MYH10: variants seen among roughly 807,000 people sequenced by gnomAD.
The protein encoded by MYH10 is myosin-10.
A neutral mutation model predicts 257.8 loss-of-function variants in MYH10; 55 were observed. The observed-to-expected ratio is 0.21, with a 90% confidence interval of 0.17 to 0.27. MYH10 has a LOEUF of 0.27. Ranked by LOEUF, MYH10 falls within the 10% of genes least tolerant of loss-of-function variation. MYH10 has a pLI of 1.00. For missense variants in MYH10, 1,631 were observed against 2,500.6 expected, an observed-to-expected ratio of 0.65 and a Z score of 7.42; for synonymous variants, 854 against 921.7, an observed-to-expected ratio of 0.93 and a Z score of 1.33.
chr17:8,561,114 T>C (rs1424025730), intron 7 of MYH10: 1 of 607,082 alleles, frequency 1.6e-6, no homozygotes, highest in East Asian at 2.7e-5. Flanking sequence ...GACATCAAGC[T>C]GGATTGTAGT....
intron 4 of MYH10, among the ~76,000 whole-genome samples, chr17:8,588,614 T>C (rs2084003891): frequency 6.6e-6 from 1 of 152,218 alleles, no homozygotes; most frequent in Non-Finnish European, 1.5e-5. Context: ...GCCTCCTAAC[T>C]GGTCCTCTTG....
intron 29 of MYH10, among the ~76,000 whole-genome samples, chr17:8,499,968 C>T (rs558516300): frequency 1.4e-3 from 206 of 152,292 alleles, no homozygotes; most frequent in African/African-American, 4.8e-3. Flanking sequence ...TGCCTTTCCA[C>T]GAACCAGCTG....
At chr17:8,513,243 G>A (rs569520878) in intron 23 of MYH10, among the ~76,000 whole-genome samples, 1 of 152,286 alleles carries the variant, frequency 6.6e-6, no homozygotes, top group East Asian at 1.9e-4. Context: ...ACAGTACCGG[G>A]AACCTCATCG....
Position 8,487,428 on chromosome 17 carries a change from C to T in MYH10, c.5046+5G>A, listed in dbSNP as rs779296297. The T allele has an allele frequency of 3.1e-6, 5 of 1,613,916 alleles. No homozygotes were observed. Among genetic ancestry groups the T allele is most frequent in the Non-Finnish European group, 4.2e-6 (5 of 1,180,048 alleles). On this transcript the variant is annotated splice_donor_5th_base_variant and intron_variant, in intron 36 of 42. Transcript: ENST00000360416. ...TCCAGAGACTCCATGGGTGAAGGCA[C>T]ATACCTGGAGCTTGCGGAGCTGCTT... is the stretch of plus-strand genomic sequence containing the variant.
At chr17:8,555,052 C>T (rs752672173) in intron 7 of MYH10, among the ~76,000 whole-genome samples, 4 of 148,204 alleles carry the variant, frequency 2.7e-5, no homozygotes, top group African/African-American at 7.5e-5. Context: ...TGCAGTGAGC[C>T]GAGATCACAC....
At chr17:8,621,519 C>A (rs1249996685) in intron 2 of MYH10, among the ~76,000 whole-genome samples, 1 of 152,116 alleles carries the variant, frequency 6.6e-6, no homozygotes, top group Non-Finnish European at 1.5e-5. Flanking sequence ...GGCAAAATTG[C>A]GGTCACCCTA....
At chr17:8,530,784 C>T (rs977784010) in intron 16 of MYH10, 99 bp from the exon 17 acceptor site, 44 of 926,110 alleles carry the variant, frequency 4.8e-5, no homozygotes, top group East Asian at 8.2e-5. Context: ...ACTTTGAAAT[C>T]GGGCTACAAA....
chr17:8,608,709 A>G (rs985598721), intron 2 of MYH10, among the ~76,000 whole-genome samples: 1 of 152,242 alleles, frequency 6.6e-6, no homozygotes, highest in Non-Finnish European at 1.5e-5. Context: ...GGAAACATTT[A>G]CAAATTTTCA....
chr17:8,575,704 A>G (rs780838179), intron 6 of MYH10, among the ~76,000 whole-genome samples: 5 of 152,180 alleles, frequency 3.3e-5, no homozygotes, highest in Non-Finnish European at 5.9e-5. Flanking sequence ...TTCTTGCTTT[A>G]TATCAGCTTT....
intron 4 of MYH10, among the ~76,000 whole-genome samples, chr17:8,578,305 T>C (rs2083577298): frequency 6.8e-6 from 1 of 147,634 alleles, no homozygotes; most frequent in Admixed American, 6.9e-5. Context: ...CACAGTGGCA[T>C]GATCTCGGCT....
At chr17:8,556,408 T>C (rs184338843) in intron 7 of MYH10, among the ~76,000 whole-genome samples, 5 of 152,310 alleles carry the variant, frequency 3.3e-5, no homozygotes, top group Non-Finnish European at 7.4e-5. Context: ...TCGTGGTATA[T>C]TCACAAAATG....
At chr17:8,606,988 G>A (rs1043878850) in intron 2 of MYH10, among the ~76,000 whole-genome samples, 1 of 152,026 alleles carries the variant, frequency 6.6e-6, no homozygotes, top group Non-Finnish European at 1.5e-5. Context: ...ATCTAGTCCC[G>A]TATTTCTTTG....
At chr17:8,514,023 C>A in intron 21 of MYH10, 129 bp from the exon 22 acceptor site, 1 of 836,856 alleles carries the variant, frequency 1.2e-6, no homozygotes, top group Non-Finnish European at 1.8e-6. Context: ...TCAATCAAGT[C>A]CTGGGTGAGA....
rs1291381174 is a variant in MYH10 at position 8,577,132 on chromosome 17, G to T, written c.633+104C>A. On this transcript the variant is annotated intron_variant, in intron 5 of 42. Transcript: ENST00000360416. ...GCGGGGAGCAGGTGGAGACAAGGGA[G>T]CTGTCAGTTATAGCAGTGTGGAGAG... The T allele has an allele frequency of 2.3e-5, 18 of 783,506 alleles. No individual in the cohort carries two copies. In the Admixed American group the frequency reaches 4.2e-4, roughly 18 times the overall value. 48.5% of individuals were successfully genotyped at this position (783,506 alleles called of 1,614,324 possible).
chr17:8,535,007 C>T lies in MYH10; in HGVS notation c.1894+380G>A, dbSNP rs1437913863. Among the ~76,000 whole-genome samples the T allele has an allele frequency of 3.3e-5, 5 of 152,100 alleles. No homozygotes were observed. The highest frequency in any genetic ancestry group is 1.9e-4 in the East Asian group (1 of 5,192). On this transcript the variant is annotated intron_variant, in intron 16 of 42. Transcript: ENST00000360416. This position sits in a 1 kb window ranked among gnomAD's most constrained non-coding sequence, Gnocchi z 4.3. ...GGCGGGTGCGGGTGGTGAGGAAGGA[C>T]GGAGCTCAGCAGGCCTGACACAGGG... is the stretch of plus-strand genomic sequence containing the variant.
chr17:8,557,981 G>A (rs1366217383), intron 7 of MYH10, among the ~76,000 whole-genome samples: 1 of 152,192 alleles, frequency 6.6e-6, no homozygotes, highest in Non-Finnish European at 1.5e-5. Flanking sequence ...TTCCCCTGGA[G>A]ACCACAAGGC....
At chr17:8,596,597 T>C (rs1239080046) in intron 3 of MYH10, among the ~76,000 whole-genome samples, 1 of 144,682 alleles carries the variant, frequency 6.9e-6, no homozygotes, top group Non-Finnish European at 1.5e-5. Flanking sequence ...TTTTGATGTG[T>C]AGCAACCTTA....
Position 8,475,914 on chromosome 17 carries a change from A to G in MYH10, c.5914T>C (p.Ser1972Pro), listed in dbSNP as rs1471808031. 2 of 1,614,014 alleles carry G rather than the reference A, an allele frequency of 1.2e-6. No individual in the cohort carries two copies. Among genetic ancestry groups the G allele is most frequent in the African/African-American group, 2.7e-5 (2 of 74,946 alleles). Reference protein sequence around the residue: ...GGPISFSSSRSGRRQLHLEGA... With the variant: ...GGPISFSSSRPGRRQLHLEGA... ...TCAAGGTGCAGCTGGCGCCGGCCAG[A>G]TCGGCTGGAAGAGAAGCTGATGGGG... Residue 1972 changes from serine to proline, a missense_variant, in exon 43 of 43, where the codon TCT becomes CCT. This residue lies in a region of MYH10 where 343 missense variants were observed against 389.5 expected (regional missense o/e 0.88). Transcript: ENST00000360416.
At chr17:8,600,201 C>T (rs1782102395) in intron 3 of MYH10, among the ~76,000 whole-genome samples, 1 of 152,068 alleles carries the variant, frequency 6.6e-6, no homozygotes, top group African/African-American at 2.4e-5. Flanking sequence ...GTGAGTTTTA[C>T]CAAACAAGAA....
Sources: allele counts gnomAD v4.1 joint callset (sites outside exome capture counted in the v4.1 genomes callset), GRCh38; gene constraint gnomAD v4.1.1; regional missense constraint gnomAD v4.1.1; non-coding constraint Gnocchi (gnomAD v3.1); transcripts MANE v1.5; gene names NCBI Gene and HGNC (gene_info 2026-07-23, HGNC 2026-07-21).